Variants in NLRP14 observed in about 807,000 individuals in gnomAD.
NLRP14 encodes NACHT, LRR and PYD domains-containing protein 14.
Under a neutral mutation model 94.7 loss-of-function variants are expected in NLRP14, and 105 were observed. That is an observed-to-expected ratio of 1.11 (90% CI 0.95 to 1.30). The LOEUF (loss-of-function observed/expected upper bound fraction) is 1.30, where lower values mean the gene tolerates loss of function less well. NLRP14 is among the 50% of genes most tolerant of loss of function. The pLI is 0.00. For missense variants in NLRP14, 1,362 were observed against 1,254.1 expected, an observed-to-expected ratio of 1.09 and a Z score of -1.30; for synonymous variants, 508 against 459.9, an observed-to-expected ratio of 1.10 and a Z score of -1.34.
chr11:7,070,518 T>G (rs1477462819), intron 11 of NLRP14, 62 bp downstream of exon 11: 1 of 1,164,860 alleles, frequency 8.6e-7, no homozygotes, highest in Non-Finnish European at 1.3e-6. Flanking sequence ...GGGGAGCCAC[T>G]CATTAATACA....
chr11:7,041,225 G>T lies in NLRP14; in HGVS notation c.362-1163G>T, dbSNP rs544784817. Among the ~76,000 whole-genome samples, 7 of 152,040 alleles carry T rather than the reference G, an allele frequency of 4.6e-5. No individual in the cohort carries two copies. The South Asian group carries it at 1.5e-3, about 32-fold the overall frequency. On this transcript the variant is annotated intron_variant, in intron 3 of 11. Transcript: ENST00000299481. ...TTTTGGGATTTTTTAGTTATCATTT[G>T]TTTATGTTTTATCTTTGTTTTTAAA...
chr11:7,070,200 C>T, intron 10 of NLRP14, 86 bp from the exon 11 acceptor site: 1 of 948,070 alleles, frequency 1.1e-6, no homozygotes, highest in Non-Finnish European at 1.7e-6. Flanking sequence ...TGGAATTATC[C>T]TCCATTCTGA....
downstream of NLRP14, among the ~76,000 whole-genome samples, chr11:7,075,101 A>T (rs1401444563): frequency 6.6e-6 from 1 of 152,042 alleles, no homozygotes; most frequent in African/African-American, 2.4e-5. Context: ...AAGGGGAGGG[A>T]GTAATGTGGT....
At chr11:7,032,615 G>A (rs968244651) in intron 1 of NLRP14, among the ~76,000 whole-genome samples, 2 of 151,984 alleles carry the variant, frequency 1.3e-5, no homozygotes, top group East Asian at 1.9e-4. Flanking sequence ...TTGTCATTTT[G>A]TTCTTTGAGA....
At position 7,039,715 on chromosome 11, in the gene NLRP14, G is replaced by T; in HGVS notation, c.291G>T (p.Trp97Cys). Residue 97 changes from tryptophan to cysteine, a missense_variant and splice_region_variant, in exon 3 of 12, where the codon TGG (tryptophan) becomes TGT (cysteine). Physicochemically the swap from Trp to Cys is radical, Grantham distance 215 (BLOSUM62 -2). Coordinates refer to ENST00000299481, the MANE Select transcript of NLRP14 (RefSeq NM_176822.4). ...LCERAKEEIN[W>C]SAQTIGPDDA... ...TGATCCTATCGGAACCTGTTGCAGG[G>T]TCGGCCCAGACTATAGGACCAGATG... 6.2e-7 allele frequency: 1 copy of T among 1,613,220 alleles called. No homozygotes were observed. The highest frequency in any genetic ancestry group is 8.5e-7 in the Non-Finnish European group (1 of 1,179,176).
At chr11:7,034,887 T>C (rs772018926) in intron 1 of NLRP14, among the ~76,000 whole-genome samples, 2 of 152,216 alleles carry the variant, frequency 1.3e-5, no homozygotes, top group Non-Finnish European at 2.9e-5. Flanking sequence ...CCTGAATTAT[T>C]TCCTCCCAAT....
chr11:7,057,929 T>A, intron 7 of NLRP14, 82 bp downstream of exon 7: 1 of 1,173,674 alleles, frequency 8.5e-7, no homozygotes. Flanking sequence ...GGGAAACTTC[T>A]TGGGTCTTGG....
chr11:7,031,734 T>TCACTC (rs1257525334), intron 1 of NLRP14, among the ~76,000 whole-genome samples: 1 of 152,170 alleles, frequency 6.6e-6, no homozygotes, highest in Non-Finnish European at 1.5e-5. Context: ...CGTCTTTCAT[T>TCACTC]CACTCTGAGT....
chr11:7,055,915 C>T (rs758352346), intron 6 of NLRP14, among the ~76,000 whole-genome samples: 13 of 151,982 alleles, frequency 8.6e-5, no homozygotes, highest in Non-Finnish European at 1.5e-4. Flanking sequence ...AAGAGGAAGT[C>T]GTGCAGGCTC....
At chr11:7,074,789 G>A (rs937130306), downstream of NLRP14, among the ~76,000 whole-genome samples, 21 of 152,114 alleles carry the variant, frequency 1.4e-4, no homozygotes, top group Admixed American at 5.9e-4. Context: ...TTTCTGTAGC[G>A]GATCTGAAGA....
chr11:7,088,917 C>G, the NLRP14 span: 2 of 617,366 alleles, frequency 3.2e-6, no homozygotes, highest in African/African-American at 3.7e-5. Context: ...TTCCCGACGG[C>G]GAATTGGCCC....
chr11:7,087,910 G>C, the NLRP14 span, among the ~76,000 whole-genome samples: 1 of 152,092 alleles, frequency 6.6e-6, no homozygotes. Flanking sequence ...ACATAAAAAA[G>C]GTATTCACCA....
At chr11:7,087,839 T>A in the NLRP14 span, among the ~76,000 whole-genome samples, 133,478 of 152,236 alleles carry the variant, frequency 0.88, 58,579 homozygotes, top group South Asian at 0.95. Flanking sequence ...GTACCGAAAG[T>A]TATAAGCATC....
chr11:7,043,783 T>A lies in NLRP14; in HGVS notation c.1757T>A (p.Leu586Gln). The change falls in exon 4 of 12, where the codon CTG becomes CAG. Residue 586 changes from leucine (L) to glutamine (Q), a missense_variant. Physicochemically the swap from Leu to Gln is moderately radical, Grantham distance 113. Coordinates refer to ENST00000299481, the MANE Select transcript of NLRP14 (RefSeq NM_176822.4). Reference sequence around the variant, plus strand: ...GGATTTCTGGAGTTGTTTCACTGTCTGTATGAGACTCAAGATAAAGCGTTT... The same window carrying A: ...GGATTTCTGGAGTTGTTTCACTGTCAGTATGAGACTCAAGATAAAGCGTTT... ...QLGFLELFHC[L>Q]YETQDKAFIS... The A allele has an allele frequency of 6.2e-7, 1 of 1,614,164 alleles. No individual in the cohort carries two copies.
intron 1 of NLRP14, among the ~76,000 whole-genome samples, chr11:7,022,248 G>T (rs1851957105): frequency 6.6e-6 from 1 of 152,156 alleles, no homozygotes; most frequent in East Asian, 1.9e-4. Context: ...TGAATGTGCA[G>T]AGACCCAAAG....
intron 10 of NLRP14, among the ~76,000 whole-genome samples, chr11:7,068,193 T>C (rs1293449261): frequency 1.3e-5 from 2 of 152,180 alleles, no homozygotes; most frequent in Non-Finnish European, 2.9e-5. Context: ...ATTGATCCAC[T>C]CTGTTGTACA....
chr11:7,087,348 A>G, the NLRP14 span, among the ~76,000 whole-genome samples: 1 of 152,200 alleles, frequency 6.6e-6, no homozygotes, highest in Non-Finnish European at 1.5e-5. Context: ...TTTACCTGTA[A>G]GCCATCATGG....
chr11:7,031,399 G>C (rs1321950473), intron 1 of NLRP14, among the ~76,000 whole-genome samples: 1 of 152,156 alleles, frequency 6.6e-6, no homozygotes, highest in Non-Finnish European at 1.5e-5. Flanking sequence ...GACACTTCTG[G>C]GCATGGCGCC....
At chr11:7,047,320 T>G (rs1339675819) in intron 5 of NLRP14, among the ~76,000 whole-genome samples, 2 of 9,050 alleles carry the variant, frequency 2.2e-4, no homozygotes, top group Admixed American at 1.2e-3. Flanking sequence ...CCCCTTTCGT[T>G]TTTTTTTTTC....
Sources: allele counts gnomAD v4.1 joint callset (sites outside exome capture counted in the v4.1 genomes callset), GRCh38; gene constraint gnomAD v4.1.1; transcripts MANE v1.5; gene names NCBI Gene and HGNC (gene_info 2026-07-23, HGNC 2026-07-21).